CIAPIN1: variants seen among roughly 807,000 people sequenced by gnomAD.
CIAPIN1 encodes the protein cytokine induced apoptosis inhibitor 1, also known as anamorsin.
CIAPIN1 carries 18 observed loss-of-function variants against 34.3 expected under a neutral mutation model. The ratio of observed to expected loss-of-function variants is 0.52; its 90% confidence interval spans 0.36 to 0.78. The LOEUF (loss-of-function observed/expected upper bound fraction) is 0.78. CIAPIN1 is among the 30% of genes least tolerant of loss of function. CIAPIN1 has a pLI of 0.00. For missense variants in CIAPIN1, 310 were observed against 372.5 expected, an observed-to-expected ratio of 0.83 and a Z score of 1.38; for synonymous variants, 131 against 140.4, an observed-to-expected ratio of 0.93 and a Z score of 0.47.
At chr16:57,443,829 C>A (rs570160564) in intron 1 of CIAPIN1, among the ~76,000 whole-genome samples, 2 of 152,216 alleles carry the variant, frequency 1.3e-5, no homozygotes, top group South Asian at 2.1e-4. Flanking sequence ...CGAGGAAGAA[C>A]CCTTGCAAAC....
At chr16:57,446,613 G>A (rs1042546210) in intron 1 of CIAPIN1, among the ~76,000 whole-genome samples, 5 of 152,110 alleles carry the variant, frequency 3.3e-5, no homozygotes, top group Non-Finnish European at 7.4e-5. Context: ...TGGCTAGACC[G>A]TGACCTCCTT....
At chr16:57,437,134 A>T (rs1903220912) in intron 3 of CIAPIN1, among the ~76,000 whole-genome samples, 1 of 152,148 alleles carries the variant, frequency 6.6e-6, no homozygotes, top group Admixed American at 6.6e-5. Flanking sequence ...CTCAAAGAAA[A>T]AACAAAAAAA....
rs1283568310 is a variant in CIAPIN1, at chr16:57,440,830, T to C, written c.99A>G (p.Gln33=). Residue 33 remains glutamine, a synonymous_variant, in exon 2 of 9, where the codon CAA becomes CAG. Coordinates refer to ENST00000394391, the MANE Select transcript of CIAPIN1 (RefSeq NM_020313.4). The part of the protein sequence containing the change: ...EALKGLVDKL[Q]ALTGNEGRVS... Reference sequence around the variant, plus strand: ...CGCGGCCCTCATTGCCGGTTAACGCTTGAAGCTTATCCACCAGACCTTTCA... The same window carrying C: ...CGCGGCCCTCATTGCCGGTTAACGCCTGAAGCTTATCCACCAGACCTTTCA... 2 of 1,613,974 alleles carry C rather than the reference T, an allele frequency of 1.2e-6. No homozygotes were observed. Among genetic ancestry groups the C allele is most frequent in the Non-Finnish European group, 1.7e-6 (2 of 1,179,890 alleles).
rs749060594 is a variant in CIAPIN1, at chr16:57,436,640, T to C, written c.387+16A>G. ...CTCACCTGCAGGGCAGCAAAGAAAG[T>C]TGTCTACAAACGTACCTCTTTCACT... On this transcript the variant is annotated intron_variant, in intron 4 of 8. Transcript: ENST00000394391. 1 of 1,603,712 alleles carries C rather than the reference T, an allele frequency of 6.2e-7. No homozygotes were observed.
At chr16:57,430,631 T>A in intron 7 of CIAPIN1, 1 of 357,750 alleles carries the variant, frequency 2.8e-6, no homozygotes, top group Non-Finnish European at 5.1e-6. Flanking sequence ...TTTTCCAAAT[T>A]CAAGAACAGA....
intron 3 of CIAPIN1, among the ~76,000 whole-genome samples, chr16:57,438,516 G>C (rs1598026619): frequency 6.6e-6 from 1 of 152,276 alleles, no homozygotes; most frequent in East Asian, 1.9e-4. Context: ...ATGAAGACCG[G>C]GAAATTGATA....
chr16:57,435,614 G>A (rs1468234831), intron 4 of CIAPIN1, among the ~76,000 whole-genome samples: 1 of 152,110 alleles, frequency 6.6e-6, no homozygotes, highest in East Asian at 1.9e-4. Context: ...CCAACATAGC[G>A]AAACCCCATC....
chr16:57,431,269 G>A lies in CIAPIN1; in HGVS notation c.631-3C>T, dbSNP rs769527960. On this transcript the variant is annotated splice_region_variant and splice_polypyrimidine_tract_variant and intron_variant, in intron 6 of 8. Coordinates refer to ENST00000394391, the MANE Select transcript of CIAPIN1 (RefSeq NM_020313.4). Reference sequence around the variant, plus strand: ...AGCTCATCTGAGTCAATGAGATCCTGGAGAGTGTTCAAAGCAATGAGTGAT... The same window carrying A: ...AGCTCATCTGAGTCAATGAGATCCTAGAGAGTGTTCAAAGCAATGAGTGAT... The A allele has an allele frequency of 2.8e-5, 45 of 1,600,676 alleles. No homozygotes were observed. Among genetic ancestry groups the A allele is most frequent in the Non-Finnish European group, 3.7e-5 (43 of 1,168,324 alleles).
At chr16:57,430,236 G>A in intron 8 of CIAPIN1, 22 bp downstream of exon 8, 5 of 1,606,272 alleles carry the variant, frequency 3.1e-6, no homozygotes, top group Non-Finnish European at 4.3e-6. Context: ...TGTGAATGCT[G>A]AGGAATGATC....
At chr16:57,438,737 T>C (rs1903259176) in intron 3 of CIAPIN1, among the ~76,000 whole-genome samples, 2 of 152,206 alleles carry the variant, frequency 1.3e-5, no homozygotes, top group Admixed American at 1.3e-4. Context: ...TTCTAACCTC[T>C]GGCAAACTCT....
intron 8 of CIAPIN1, among the ~76,000 whole-genome samples, chr16:57,429,549 T>C (rs3992809): frequency 0.59 from 88,572 of 148,916 alleles, 26,082 homozygotes; most frequent in Non-Finnish European, 0.62. Flanking sequence ...TGGAGTGCAG[T>C]GGCGCGATCT....
rs1339110033 is a variant in CIAPIN1, at chr16:57,430,238, G to A, written c.828+20C>T. The stretch of plus-strand genomic sequence containing the variant: ...CCCCCTGGGGGTTTGTGAATGCTGA[G>A]GAATGATCCTGATATTTACGTTTCC... On this transcript the variant is annotated intron_variant, in intron 8 of 8. Coordinates refer to ENST00000394391, the MANE Select transcript of CIAPIN1 (RefSeq NM_020313.4). The A allele has an allele frequency of 1.2e-6, 2 of 1,607,626 alleles. No individual in the cohort carries two copies. Among genetic ancestry groups the A allele is most frequent in the African/African-American group, 1.3e-5 (1 of 74,926 alleles).
intron 1 of CIAPIN1, among the ~76,000 whole-genome samples, chr16:57,445,744 C>T (rs1352439319): frequency 5.3e-5 from 8 of 151,346 alleles, no homozygotes; most frequent in African/African-American, 1.9e-4. Context: ...TACTATGTGC[C>T]TGTCCCTACA....
chr16:57,431,379 A>C (rs1903083796), intron 6 of CIAPIN1, 113 bp from the exon 7 acceptor site: 2 of 630,068 alleles, frequency 3.2e-6, no homozygotes, highest in Admixed American at 5.4e-5. Flanking sequence ...GAAGGTGTCC[A>C]CCCTGTCCTC....
chr16:57,437,202 C>G (rs1161842260), intron 3 of CIAPIN1, among the ~76,000 whole-genome samples: 1 of 152,006 alleles, frequency 6.6e-6, no homozygotes, highest in African/African-American at 2.4e-5. Flanking sequence ...GATGGTTCTA[C>G]CTATAATTTT....
chr16:57,443,452 TTTTG>T (rs2029929444), intron 1 of CIAPIN1, among the ~76,000 whole-genome samples: 1 of 151,954 alleles, frequency 6.6e-6, no homozygotes, highest in African/African-American at 2.4e-5. Context: ...TCTGTGGTGT[TTTTG>T]TTTGTTTGTT....
At chr16:57,440,288 G>T (rs965578215) in intron 2 of CIAPIN1, among the ~76,000 whole-genome samples, 11 of 152,092 alleles carry the variant, frequency 7.2e-5, no homozygotes, top group African/African-American at 2.4e-4. Context: ...ATGACAATGC[G>T]TGCCCGAAAC....
chr16:57,446,759 A>G (rs1174154218), intron 1 of CIAPIN1, among the ~76,000 whole-genome samples: 1 of 152,178 alleles, frequency 6.6e-6, no homozygotes, highest in Non-Finnish European at 1.5e-5. Context: ...CACTCAATCA[A>G]TCCTTCTGGA....
chr16:57,439,345 G>A lies in CIAPIN1; in HGVS notation c.158-11C>T. 6.2e-7 allele frequency: 1 copy of A among 1,614,110 alleles called. No homozygotes were observed. The highest frequency in any genetic ancestry group is 1.3e-5 in the African/African-American group (1 of 75,046). ...ATTCTTTGTGGGCAGCTGAAAAGAA[G>A]AGGACTCTAATTAGCAATCTCCTGA... On this transcript the variant is annotated splice_polypyrimidine_tract_variant and intron_variant, in intron 2 of 8. Coordinates refer to ENST00000394391, the MANE Select transcript of CIAPIN1 (RefSeq NM_020313.4).
Sources: allele counts gnomAD v4.1 joint callset (sites outside exome capture counted in the v4.1 genomes callset), GRCh38; gene constraint gnomAD v4.1.1; transcripts MANE v1.5; gene names NCBI Gene and HGNC (gene_info 2026-07-23, HGNC 2026-07-21).